Variants in HERC2 observed in about 807,000 individuals in gnomAD.
The protein encoded by HERC2 is HECT and RLD domain containing E3 ubiquitin protein ligase 2.
HERC2 carries 102 observed loss-of-function variants against 537.7 expected under a neutral mutation model. The observed-to-expected ratio is 0.19, with a 90% confidence interval of 0.16 to 0.22. The LOEUF is 0.22. Ranked by LOEUF, HERC2 falls within the 10% of genes least tolerant of loss-of-function variation. The pLI, the probability that HERC2 is intolerant of heterozygous loss-of-function variation, is 1.00. For missense variants in HERC2, 4,236 were observed against 6,198.2 expected, an observed-to-expected ratio of 0.68 and a Z score of 10.63; for synonymous variants, 2,224 against 2,466.2, an observed-to-expected ratio of 0.90 and a Z score of 2.91.
chr15:28,209,131 G>A (rs1033964007), intron 44 of HERC2, among the ~76,000 whole-genome samples: 4 of 152,090 alleles, frequency 2.6e-5, no homozygotes, highest in South Asian at 2.1e-4. Flanking sequence ...ATCTATAAAC[G>A]GATATACATA....
At chr15:28,173,462 A>G (rs1212070114) in intron 65 of HERC2, among the ~76,000 whole-genome samples, 2 of 152,196 alleles carry the variant, frequency 1.3e-5, no homozygotes, top group Non-Finnish European at 2.9e-5. Flanking sequence ...AAGATTTTTA[A>G]AAAGAGTATA....
chr15:28,152,224 C>T (rs1265856036), intron 70 of HERC2, among the ~76,000 whole-genome samples: 4 of 152,224 alleles, frequency 2.6e-5, no homozygotes, highest in East Asian at 3.8e-4. Context: ...CAGTGAAGCC[C>T]GCCAGATCAA....
chr15:28,298,990 T>C (rs952195284), intron 3 of HERC2, among the ~76,000 whole-genome samples: 11 of 152,162 alleles, frequency 7.2e-5, no homozygotes, highest in African/African-American at 2.4e-4. Context: ...TTAGGGTGTA[T>C]ACAAGCAGCC....
intron 92 of HERC2, 86 bp downstream of exon 92, chr15:28,112,985 T>C (rs1887813261): frequency 3.8e-6 from 4 of 1,056,636 alleles, no homozygotes; most frequent in Non-Finnish European, 5.5e-6. Flanking sequence ...TCGTTTTCCA[T>C]GTGCTGCAGG....
intron 67 of HERC2, among the ~76,000 whole-genome samples, chr15:28,168,206 T>C (rs1383270596): frequency 6.6e-6 from 1 of 152,232 alleles, no homozygotes; most frequent in Non-Finnish European, 1.5e-5. Context: ...CTTGATTTAA[T>C]GGTTTTTTTA....
chr15:28,218,621 T>C lies in HERC2; in HGVS notation c.5896A>G (p.Ser1966Gly), dbSNP rs1000336628. ...AGAGTCTGCAGTAAGTTAATAGTGC[T>C]GGTAAACATCATTGCAGTGGGGTGA... is the stretch of plus-strand genomic sequence containing the variant. ...NIHPTAMMFT[S>G]TINLLQTLCL... Residue 1966 changes from serine to glycine, a missense_variant, in exon 38 of 93, where the codon AGC becomes GGC. Ser to Gly is a moderately conservative substitution (Grantham distance 56). Transcript: ENST00000261609. The C allele has an allele frequency of 2.5e-6, 4 of 1,588,258 alleles. No individual in the cohort carries two copies. The African/African-American group carries it at 4.0e-5, about 16-fold the overall frequency.
chr15:28,255,802 T>G, intron 19 of HERC2, 70 bp downstream of exon 19: 1 of 1,498,298 alleles, frequency 6.7e-7, no homozygotes, highest in Non-Finnish European at 9.0e-7. Context: ...TCAGTTATTC[T>G]TCACGTGTGT....
chr15:28,292,301 T>C (rs2076339386), intron 4 of HERC2, among the ~76,000 whole-genome samples: 1 of 148,972 alleles, frequency 6.7e-6, no homozygotes, highest in Non-Finnish European at 1.5e-5. Context: ...TGTATACAAA[T>C]GGTCAATAAG....
chr15:28,116,923 G>A (rs1362019792), intron 87 of HERC2, 64 bp from the exon 88 acceptor site: 6 of 1,608,630 alleles, frequency 3.7e-6, no homozygotes, highest in East Asian at 4.5e-5. Context: ...GAGCCCCAAC[G>A]CTCCCACACC....
At chr15:28,204,734 G>A (rs994818239) in intron 45 of HERC2, among the ~76,000 whole-genome samples, 1 of 151,766 alleles carries the variant, frequency 6.6e-6, no homozygotes, top group South Asian at 2.1e-4. Context: ...ATAAAATAAA[G>A]TATGTCTTGG....
At chr15:28,253,571 G>A (rs1046029711) in intron 20 of HERC2, among the ~76,000 whole-genome samples, 1 of 152,142 alleles carries the variant, frequency 6.6e-6, no homozygotes, top group Middle Eastern at 3.2e-3. Flanking sequence ...TCTATACTAG[G>A]TAATTTTCAG....
chr15:28,172,838 A>G (rs1486713944), intron 65 of HERC2, among the ~76,000 whole-genome samples: 1 of 152,252 alleles, frequency 6.6e-6, no homozygotes, highest in African/African-American at 2.4e-5. Context: ...CCACACTGAC[A>G]GAAAATACTA....
intron 43 of HERC2, 35 bp downstream of exon 43, chr15:28,212,410 G>C: frequency 6.3e-7 from 1 of 1,582,166 alleles, no homozygotes; most frequent in Non-Finnish European, 8.6e-7. Context: ...AGTTTAAGAC[G>C]GCAGCTATTT....
Position 28,238,616 on chromosome 15 carries a change from C to T in HERC2, c.3734G>A (p.Gly1245Glu), listed in dbSNP as rs566853515. 1.5e-5 allele frequency: 24 copies of T among 1,610,872 alleles called. No individual in the cohort carries two copies. Among genetic ancestry groups the T allele is most frequent in the South Asian group, 1.1e-4 (10 of 90,938 alleles). Reference protein sequence around the residue: ...IKDFQTQSLTGNSILAQFAGE... With the variant: ...IKDFQTQSLTENSILAQFAGE... ...TGTAATCTTACCAAGAATACTATTT[C>T]CTGTTAACGACTGTGTCTGGAAGTC... The change falls in exon 24 of 93, where the codon GGA (glycine) becomes GAA (glutamate). Residue 1245 changes from glycine (G) to glutamate (E), a missense_variant. Coordinates refer to ENST00000261609, the MANE Select transcript of HERC2 (RefSeq NM_004667.6).
rs74849607 is a variant in HERC2, at chr15:28,308,212, T to C, written c.73-8696A>G. 7.9e-5 allele frequency among the ~76,000 whole-genome samples: 12 copies of C among 152,350 alleles called. No homozygotes were observed. In the South Asian group the frequency reaches 2.3e-3, roughly 29 times the overall value. On this transcript the variant is annotated intron_variant, in intron 2 of 92. Coordinates refer to ENST00000261609, the MANE Select transcript of HERC2 (RefSeq NM_004667.6). ...ATGAAATATTTTTCCATCTTTTGTG[T>C]CTTCTTTAATGTCTTTCATCAGCGT...
chr15:28,119,828 G>A (rs965529685), intron 86 of HERC2, among the ~76,000 whole-genome samples: 16 of 152,192 alleles, frequency 1.1e-4, no homozygotes, highest in African/African-American at 3.9e-4. Flanking sequence ...CACAAGCTGG[G>A]GATAGCAAGA....
chr15:28,232,503 C>T (rs557686145), intron 30 of HERC2, among the ~76,000 whole-genome samples: 1 of 151,218 alleles, frequency 6.6e-6, no homozygotes, highest in African/African-American at 2.4e-5. Flanking sequence ...GAGCTGAGAT[C>T]GCACCACTGC....
In HERC2 at chr15:28,168,579, A is replaced by C. The variant is rs535202811; in HGVS notation, c.10241T>G (p.Val3414Gly). 4 of 1,613,818 alleles carry C rather than the reference A, an allele frequency of 2.5e-6. No homozygotes were observed. The South Asian group carries it at 3.3e-5, about 13-fold the overall frequency. ...CATGGCGGCCGGCATCAGGGCCCCG[A>C]CAACAGCATCTCTGTCAGGACACAA... is the stretch of plus-strand genomic sequence containing the variant. ...LQIMYARDAV[V>G]GALMPAAMIA... Residue 3414 changes from valine (V) to glycine (G), a missense_variant, in exon 67 of 93, where the codon GTC becomes GGC. Val to Gly is a moderately radical substitution (Grantham distance 109). Transcript: ENST00000261609.
intron 70 of HERC2, among the ~76,000 whole-genome samples, chr15:28,152,123 G>C (rs1484224115): frequency 6.6e-6 from 1 of 152,162 alleles, no homozygotes; most frequent in African/African-American, 2.4e-5. Context: ...GGAACTTATG[G>C]GCCTCCGAAT....
Sources: gnomAD v4.1 joint callset for allele counts (sites outside exome capture counted in the v4.1 genomes callset) on GRCh38, gnomAD v4.1.1 for gene constraint, MANE v1.5 for transcripts, NCBI Gene and HGNC (gene_info 2026-07-23, HGNC 2026-07-21) for gene names.